The following TRAPPC9 variants were observed in gnomAD, a reference collection of about 807,000 sequenced individuals.
TRAPPC9 encodes the protein trafficking protein particle complex subunit 9, also known as IKK2 binding protein.
In TRAPPC9, 83 loss-of-function variants were observed where a neutral mutation model predicts 124.0. The ratio of observed to expected loss-of-function variants is 0.67; its 90% CI spans 0.56 to 0.80. The LOEUF is 0.80. Among genes scored for constraint, TRAPPC9 ranks in the 30% least tolerant of loss-of-function variants. TRAPPC9 has a pLI of 0.00. For synonymous variants in TRAPPC9, 638 were observed against 617.5 expected (o/e 1.03, Z -0.49); for missense variants, 1,302 against 1,508.3 (o/e 0.86, Z 2.27).
chr8:139,848,954 A>G (rs1827274317), intron 21 of TRAPPC9, among the ~76,000 whole-genome samples: 1 of 152,216 alleles, frequency 6.6e-6, no homozygotes, highest in South Asian at 2.1e-4. Context: ...GTTGGATGGA[A>G]TCATCTTGAA....
intron 21 of TRAPPC9, among the ~76,000 whole-genome samples, chr8:139,847,029 C>A (rs539563283): frequency 6.6e-6 from 1 of 152,224 alleles, no homozygotes; most frequent in Admixed American, 6.5e-5. Context: ...GACTGTGTGC[C>A]GAGATCTGGG....
At chr8:140,427,780 A>T (rs2070483485) in intron 4 of TRAPPC9, among the ~76,000 whole-genome samples, 1 of 152,236 alleles carries the variant, frequency 6.6e-6, no homozygotes. Context: ...GGTGCTATTT[A>T]AGAGCTATTT....
chr8:139,856,461 C>A (rs960936412), intron 21 of TRAPPC9, among the ~76,000 whole-genome samples: 4 of 152,140 alleles, frequency 2.6e-5, no homozygotes, highest in African/African-American at 9.7e-5. Flanking sequence ...GGAGACTTGG[C>A]CTTGGGAAGC....
intron 18 of TRAPPC9, among the ~76,000 whole-genome samples, chr8:140,005,628 GTGGGTTT>G (rs1563683072): frequency 6.6e-6 from 1 of 152,102 alleles, no homozygotes. Context: ...GTGAGGAAAC[GTGGGTTT>G]TGGGAAGACA....
intron 17 of TRAPPC9, among the ~76,000 whole-genome samples, chr8:140,158,204 T>C (rs1391347033): frequency 6.6e-6 from 1 of 152,148 alleles, no homozygotes; most frequent in Non-Finnish European, 1.5e-5. Flanking sequence ...CACATCCCAA[T>C]CCCAAGAACC....
Position 139,764,266 on chromosome 8 carries a change from G to A in TRAPPC9, c.3056-32064C>T, listed in dbSNP as rs556878785. 5.3e-5 allele frequency among the ~76,000 whole-genome samples: 8 copies of A among 152,320 alleles called. No individual in the cohort carries two copies. The South Asian group carries it at 8.3e-4, about 16-fold the overall frequency. On this transcript the variant is annotated intron_variant, in intron 21 of 22. Transcript: ENST00000438773. ...GAGCAGAGGTGGCACCTTGGAGTCC[G>A]TGTGGCTGTAGCAGGGGCAGTGAAA...
intron 19 of TRAPPC9, among the ~76,000 whole-genome samples, chr8:139,927,832 G>A (rs1832901715): frequency 6.6e-6 from 1 of 152,186 alleles, no homozygotes; most frequent in Non-Finnish European, 1.5e-5. Flanking sequence ...AAACCATTGT[G>A]CTGAGTGAGT....
intron 21 of TRAPPC9, among the ~76,000 whole-genome samples, chr8:139,868,490 G>C (rs1828690964): frequency 6.6e-6 from 1 of 152,178 alleles, no homozygotes. Flanking sequence ...GGAATACGTG[G>C]TTGGAAGTCA....
intron 21 of TRAPPC9, among the ~76,000 whole-genome samples, chr8:139,874,873 C>T (rs1000594965): frequency 6.6e-6 from 1 of 152,116 alleles, no homozygotes; most frequent in Non-Finnish European, 1.5e-5. Context: ...AAGTCCCACA[C>T]GCGCATAACC....
intron 19 of TRAPPC9, among the ~76,000 whole-genome samples, chr8:139,948,281 ACACACACACACACACT>A (rs1834403399): frequency 4.6e-5 from 5 of 108,782 alleles, no homozygotes; most frequent in Non-Finnish European, 9.3e-5. Context: ...ACACACACAC[ACACACACACACACACT>A]GTGACGTACA....
chr8:140,013,416 AACG>A (rs2131859929), intron 18 of TRAPPC9, among the ~76,000 whole-genome samples: 1 of 152,352 alleles, frequency 6.6e-6, no homozygotes, highest in African/African-American at 2.4e-5. Context: ...CCGGCTGGTC[AACG>A]CAAATCTAGT....
chr8:140,091,575 T>C (rs1321984475), intron 17 of TRAPPC9, among the ~76,000 whole-genome samples: 2 of 152,222 alleles, frequency 1.3e-5, no homozygotes, highest in Non-Finnish European at 2.9e-5. Context: ...CCAGGGGTTC[T>C]CTTTGGAAGA....
chr8:140,239,497 G>A (rs568489767), intron 16 of TRAPPC9, among the ~76,000 whole-genome samples: 12 of 152,314 alleles, frequency 7.9e-5, no homozygotes, highest in South Asian at 4.1e-4. Flanking sequence ...GTAAGACTCC[G>A]GCCCTGCCCG....
At chr8:139,992,781 G>A (rs1837725399) in intron 18 of TRAPPC9, among the ~76,000 whole-genome samples, 2 of 151,840 alleles carry the variant, frequency 1.3e-5, no homozygotes. Flanking sequence ...AAACTGGAGA[G>A]ATGATTGTAT....
At chr8:140,033,666 T>TG (rs1563706638) in intron 17 of TRAPPC9, among the ~76,000 whole-genome samples, 12 of 65,964 alleles carry the variant, frequency 1.8e-4, no homozygotes, top group South Asian at 5.3e-4. Flanking sequence ...TGGTTTTTTT[T>TG]TTTTTTTTTT....
chr8:140,456,854 G>T (rs1393095397), intron 1 of TRAPPC9: 2 of 985,200 alleles, frequency 2.0e-6, no homozygotes, highest in Non-Finnish European at 2.4e-6. Flanking sequence ...AGAAACATTT[G>T]AAGACAGACA....
intron 17 of TRAPPC9, among the ~76,000 whole-genome samples, chr8:140,210,384 T>G (rs2063029848): frequency 6.6e-6 from 1 of 152,160 alleles, no homozygotes; most frequent in Non-Finnish European, 1.5e-5. Context: ...CAGCACCAAG[T>G]GAGCATCGGA....
In TRAPPC9 at chr8:139,925,827, G is replaced by GCA. The variant is rs56794885; in HGVS notation, c.2811-15529_2811-15528dup. Among the ~76,000 whole-genome samples, 312 of 68,748 alleles carry GCA rather than the reference G, an allele frequency of 4.5e-3. 1 individual carries two copies. The highest frequency in any genetic ancestry group is 0.017 in the South Asian group (33 of 1,952). 45.1% of individuals were successfully genotyped at this position (68,748 alleles called of 152,430 possible). On this transcript the variant is annotated intron_variant, in intron 19 of 22. Coordinates refer to ENST00000438773, the MANE Select transcript of TRAPPC9 (RefSeq NM_001160372.4). ...AGCACACGCACACGCACACGCACAC[G>GCA]CACACACACACACACACACGTTTCA...
chr8:140,010,116 T>TAAC (rs1357286469), intron 18 of TRAPPC9, among the ~76,000 whole-genome samples: 2 of 152,228 alleles, frequency 1.3e-5, no homozygotes, highest in Non-Finnish European at 2.9e-5. Flanking sequence ...ATACCATGAA[T>TAAC]AACAAATCGA....
Sources: gnomAD v4.1 joint callset for allele counts (sites outside exome capture counted in the v4.1 genomes callset) on GRCh38, gnomAD v4.1.1 for gene constraint, MANE v1.5 for transcripts, NCBI Gene and HGNC (gene_info 2026-07-23, HGNC 2026-07-21) for gene names.